Variants in KIF19 observed in about 807,000 individuals in gnomAD.
KIF19 encodes kinesin-like protein KIF19.
A neutral mutation model predicts 106.6 loss-of-function variants in KIF19; 98 were observed. The ratio of observed to expected loss-of-function variants is 0.92; its 90% CI spans 0.78 to 1.09. The LOEUF (loss-of-function observed/expected upper bound fraction) is 1.09, where lower values mean the gene tolerates loss of function less well. Ranked by LOEUF, KIF19 falls within the 50% of genes least tolerant of loss-of-function variation. The pLI is 0.00. For synonymous variants in KIF19, 516 were observed against 584.2 expected (o/e 0.88, Z 1.68); for missense variants, 1,373 against 1,414.3 (o/e 0.97, Z 0.47).
Position 74,353,231 on chromosome 17 carries a change from C to A in KIF19, c.2150C>A (p.Ala717Asp). The A allele has an allele frequency of 6.3e-7, 1 of 1,588,926 alleles. No individual in the cohort carries two copies. The highest frequency in any genetic ancestry group is 8.6e-7 in the Non-Finnish European group (1 of 1,168,090). The change falls in exon 16 of 20, where the codon GCC (alanine) becomes GAC (aspartate). Residue 717 changes from alanine to aspartate, a missense_variant. By Grantham distance (126) the Ala-to-Asp change is moderately radical. This residue lies in a region of KIF19 where 1,020 missense variants were observed against 1,008.2 expected (regional missense o/e 1.01). Transcript: ENST00000389916. The part of the protein sequence containing the change: ...GHHVFKAGTG[A>D]WQAKSSSVPT... ...CACGTGTTCAAGGCTGGTACTGGGG[C>A]CTGGCAGGCAAAAAGCTCCTCTGTG... is the stretch of plus-strand genomic sequence containing the variant.
chr17:74,342,571 G>C (rs1035268222), intron 3 of KIF19, 59 bp from the exon 4 acceptor site: 2 of 1,312,544 alleles, frequency 1.5e-6, no homozygotes, highest in African/African-American at 1.4e-5. Context: ...AAGAGCCAGT[G>C]GGTGCCTGTG....
Position 74,344,944 on chromosome 17 carries a change from C to T in KIF19, c.766C>T (p.Arg256Cys), listed in dbSNP as rs752336468. Residue 256 changes from arginine (R) to cysteine (C), a missense_variant, in exon 7 of 20, where the codon CGC (arginine) becomes TGC (cysteine). By Grantham distance (180) the Arg-to-Cys change is radical (BLOSUM62 -3). Coordinates refer to ENST00000389916, the MANE Select transcript of KIF19 (RefSeq NM_153209.4). ...CATGATCGACCTGGCTGGCTCAGAG[C>T]GCGCCTCGCAGGTGAGGCTGGGACC... ...LFMIDLAGSE[R>C]ASQTQNRGQR... is the part of the protein sequence containing the mutation. 80 of 1,604,040 alleles carry T rather than the reference C, an allele frequency of 5.0e-5. No homozygotes were observed. The highest frequency in any genetic ancestry group is 6.3e-5 in the Non-Finnish European group (74 of 1,177,268).
At chr17:74,340,781 C>A (rs1325163681) in intron 2 of KIF19, among the ~76,000 whole-genome samples, 1 of 152,260 alleles carries the variant, frequency 6.6e-6, no homozygotes, top group Non-Finnish European at 1.5e-5. Context: ...AGCGTGCTGA[C>A]CTCATCCCTC....
intron 10 of KIF19, among the ~76,000 whole-genome samples, 187 bp downstream of exon 10, chr17:74,349,536 C>G (rs1255077492): frequency 6.6e-6 from 1 of 152,210 alleles, no homozygotes; most frequent in Non-Finnish European, 1.5e-5. Flanking sequence ...CTGCTTCAGA[C>G]AGTTACCAGA....
Position 74,352,242 on chromosome 17 carries a change from C to T in KIF19, c.1882C>T (p.Arg628Cys). The T allele has an allele frequency of 6.2e-7, 1 of 1,612,764 alleles. No homozygotes were observed. The change falls in exon 14 of 20, where the codon CGC becomes TGC. Residue 628 changes from arginine to cysteine, a missense_variant. Arg to Cys is a radical substitution (Grantham distance 180, BLOSUM62 -3). Around this residue, in one of 3 missense-constraint regions of KIF19, gnomAD observed 1,020 missense variants for 1,008.2 expected, o/e 1.01. Transcript: ENST00000389916. The stretch of plus-strand genomic sequence containing the variant: ...AGACTACAACCTGGCCGTCCCGCAG[C>T]GCCTGGAAGAGCTCTACGAAGTGTA... The part of the protein sequence containing the change: ...IDDYNLAVPQ[R>C]LEELYEVYLR...
At chr17:74,347,958 C>T (rs550479508) in intron 9 of KIF19, 59 bp downstream of exon 9, 64 of 1,529,358 alleles carry the variant, frequency 4.2e-5, no homozygotes, top group Non-Finnish European at 4.9e-5. Context: ...TTCAAGCCCC[C>T]GGGCTGATCC....
chr17:74,349,777 TAAAG>T (rs2054643179), intron 10 of KIF19, among the ~76,000 whole-genome samples: 2 of 150,804 alleles, frequency 1.3e-5, no homozygotes, highest in African/African-American at 4.9e-5. Context: ...TTTACTAATA[TAAAG>T]AGAGAGGCAG....
intron 2 of KIF19, among the ~76,000 whole-genome samples, chr17:74,339,867 G>A (rs1389223335): frequency 1.3e-5 from 2 of 152,202 alleles, no homozygotes; most frequent in African/African-American, 4.8e-5. Flanking sequence ...CCTCAGGCAG[G>A]TGCAGGGCCT....
chr17:74,332,803 C>T (rs1245364416), intron 2 of KIF19, among the ~76,000 whole-genome samples: 1 of 152,202 alleles, frequency 6.6e-6, no homozygotes, highest in African/African-American at 2.4e-5. Context: ...AGAGGCTATA[C>T]AGCCTGGGAC....
chr17:74,344,390 T>C, intron 6 of KIF19, 42 bp downstream of exon 6: 1 of 1,600,312 alleles, frequency 6.2e-7, no homozygotes, highest in Non-Finnish European at 8.5e-7. Context: ...GAGAGGAAGC[T>C]CACCGCCTGA....
rs1341443308 is a variant in KIF19 at position 74,331,564 on chromosome 17, G to C, written c.120+3059G>C. Among the ~76,000 whole-genome samples the C allele has an allele frequency of 6.8e-6, 1 of 147,980 alleles. No homozygotes were observed. Among genetic ancestry groups the C allele is most frequent in the Non-Finnish European group, 1.5e-5 (1 of 67,034 alleles). On this transcript the variant is annotated intron_variant, in intron 2 of 19. Coordinates refer to ENST00000389916, the MANE Select transcript of KIF19 (RefSeq NM_153209.4). This position sits in a 1 kb window ranked among gnomAD's most constrained non-coding sequence, Gnocchi z 4.1. ...GGGTGCTTGGATTCTGGGGAAGCTGGAGTTCGGATTTGGATTTTTTTTTTT... is the reference window on the plus strand; with the variant it reads ...GGGTGCTTGGATTCTGGGGAAGCTGCAGTTCGGATTTGGATTTTTTTTTTT...
Position 74,342,611 on chromosome 17 carries a change from C to G in KIF19, c.232-19C>G, listed in dbSNP as rs759688484. On this transcript the variant is annotated intron_variant, in intron 3 of 19. Transcript: ENST00000389916. ...GCCCCGCCTGTGTCCCGGCCCCTGA[C>G]AGGCTTCCTTCCTCGCAGGAGATGG... 1.9e-6 allele frequency: 3 copies of G among 1,606,032 alleles called. No individual in the cohort carries two copies. The highest frequency in any genetic ancestry group is 3.3e-5 in the Admixed American group (2 of 59,986).
At chr17:74,332,222 G>GTGTGTT (rs1555619614) in intron 2 of KIF19, among the ~76,000 whole-genome samples, 12 of 126,716 alleles carry the variant, frequency 9.5e-5, no homozygotes, top group African/African-American at 2.6e-4. Context: ...GTGTGTGTGT[G>GTGTGTT]TGTGTGTGTG....
At chr17:74,344,627 G>GCCCAGC (rs1441897682) in intron 6 of KIF19, 134 bp from the exon 7 acceptor site, 1 of 997,918 alleles carries the variant, frequency 1.0e-6, no homozygotes, top group Non-Finnish European at 1.5e-6. Flanking sequence ...AGCACACGGA[G>GCCCAGC]CCCAGCCCAC....
rs1185107808 is a variant in KIF19 at position 74,354,311 on chromosome 17, G to A, written c.2458G>A (p.Asp820Asn). 6 of 1,608,280 alleles carry A rather than the reference G, an allele frequency of 3.7e-6. No homozygotes were observed. The highest frequency in any genetic ancestry group is 2.7e-5 in the African/African-American group (2 of 74,858). The stretch of plus-strand genomic sequence containing the variant: ...CCTGCACTCACTGAGCGAGGGCGAC[G>A]ATGCGCGGCCACCAGGCCCACTGGC... ...LSLHSLSEGD[D>N]ARPPGPLACK... is the part of the protein sequence containing the mutation. The change falls in exon 18 of 20, where the codon GAT becomes AAT. Residue 820 changes from aspartate (D) to asparagine (N), a missense_variant. Coordinates refer to ENST00000389916, the MANE Select transcript of KIF19 (RefSeq NM_153209.4).
At chr17:74,345,182 G>A (rs1048586999) in intron 7 of KIF19, among the ~76,000 whole-genome samples, 1 of 152,066 alleles carries the variant, frequency 6.6e-6, no homozygotes, top group Non-Finnish European at 1.5e-5. Context: ...AGGAAGTGAG[G>A]AACGTTCCAG....
At position 74,340,848 on chromosome 17, in the gene KIF19, C is replaced by T. The variant is rs75277269; in HGVS notation, c.121-1028C>T. ...CAGGCTCTGCCCTGGAGGGGTGAGG[C>T]GGAGCAGGCAGGGCTGTAGCGAGGT... On this transcript the variant is annotated intron_variant, in intron 2 of 19. Coordinates refer to ENST00000389916, the MANE Select transcript of KIF19 (RefSeq NM_153209.4). 8.3e-3 allele frequency among the ~76,000 whole-genome samples: 1,258 copies of T among 152,284 alleles called. 40 individuals carry two copies. The East Asian group carries it at 0.11, about 13-fold the overall frequency.
chr17:74,340,773 C>T (rs527583500), intron 2 of KIF19, among the ~76,000 whole-genome samples: 3 of 152,248 alleles, frequency 2.0e-5, no homozygotes, highest in Non-Finnish European at 2.9e-5. Flanking sequence ...CCAAGCCCAG[C>T]GTGCTGACCT....
At position 74,346,479 on chromosome 17, in the gene KIF19, C is replaced by T; in HGVS notation, c.879C>T (p.Asn293=). The T allele has an allele frequency of 6.4e-7, 1 of 1,552,668 alleles. No individual in the cohort carries two copies. Among genetic ancestry groups the T allele is most frequent in the Non-Finnish European group, 8.7e-7 (1 of 1,147,798 alleles). ...CINALSDKGS[N]KYINYRDSKL... Reference sequence around the variant, plus strand: ...ACGCCCTGAGCGACAAGGGTAGCAACAAGTACATCAACTATCGCGACAGCA... The same window carrying T: ...ACGCCCTGAGCGACAAGGGTAGCAATAAGTACATCAACTATCGCGACAGCA... Residue 293 remains asparagine, a synonymous_variant, in exon 8 of 20, where the codon AAC becomes AAT. Coordinates refer to ENST00000389916, the MANE Select transcript of KIF19 (RefSeq NM_153209.4). The surrounding 1 kb of genome is among the most constrained non-coding windows in gnomAD (Gnocchi z 4.6).
Sources: gnomAD v4.1 joint callset for allele counts (sites outside exome capture counted in the v4.1 genomes callset) on GRCh38, gnomAD v4.1.1 for gene constraint, gnomAD v4.1.1 regional missense constraint, Gnocchi (gnomAD v3.1) non-coding constraint, MANE v1.5 for transcripts, NCBI Gene and HGNC (gene_info 2026-07-23, HGNC 2026-07-21) for gene names.